OSGEPL1: variants seen among roughly 807,000 people sequenced by gnomAD.
OSGEPL1 encodes O-sialoglycoprotein endopeptidase like 1, also known as tRNA N6-adenosine threonylcarbamoyltransferase, mitochondrial.
OSGEPL1 carries 26 observed loss-of-function variants against 37.2 expected under a neutral mutation model. The ratio of observed to expected loss-of-function variants is 0.70; its 90% CI spans 0.51 to 0.97. OSGEPL1 has a LOEUF of 0.97. Among genes scored for constraint, OSGEPL1 ranks in the 50% least tolerant of loss-of-function variants. The pLI is 0.00. For synonymous variants in OSGEPL1, 140 were observed against 159.9 expected, an observed-to-expected ratio of 0.88 and a Z score of 0.94; for missense variants, 404 against 487.0, an observed-to-expected ratio of 0.83 and a Z score of 1.60.
intron 3 of OSGEPL1, 185 bp downstream of exon 3, chr2:189,754,987 AG>A: frequency 1.5e-6 from 1 of 661,300 alleles, no homozygotes; most frequent in East Asian, 2.9e-5. Flanking sequence ...CATTTTATTA[AG>A]AAAGGCTAAG....
chr2:189,755,217 G>A lies in OSGEPL1; in HGVS notation c.565C>T (p.Leu189Phe). 1 of 1,611,888 alleles carries A rather than the reference G, an allele frequency of 6.2e-7. No individual in the cohort carries two copies. Among genetic ancestry groups the A allele is most frequent in the Non-Finnish European group, 8.5e-7 (1 of 1,179,376 alleles). ...LVQGVSDFLL[L>F]GKSLDIAPGD... ...GGTGCTATGTCCAAAGACTTTCCAA[G>A]AAGCAGAAAATCTGAAACTCCTTGA... Residue 189 changes from leucine to phenylalanine, a missense_variant, in exon 3 of 9, where the codon CTT becomes TTT. Leu to Phe is a conservative substitution (Grantham distance 22). Transcript: ENST00000264151.
rs1472265285 is a variant in OSGEPL1 at position 189,752,889 on chromosome 2, G to T, written c.1054C>A (p.Pro352Thr). 2.5e-6 allele frequency: 4 copies of T among 1,613,918 alleles called. No homozygotes were observed. Among genetic ancestry groups the T allele is most frequent in the Non-Finnish European group, 2.5e-6 (3 of 1,179,860 alleles). Residue 352 changes from proline (P) to threonine (T), a missense_variant, in exon 6 of 9, where the codon CCT (proline) becomes ACT (threonine). Transcript: ENST00000264151. ...CCATTATCAGTGCATAGTCTGGGAG[G>T]AGGACACAACAAAGTGCACTGTGTT... Reference protein sequence around the residue: ...NATQCTLLCPPPRLCTDNGIM... With the variant: ...NATQCTLLCPTPRLCTDNGIM...
At chr2:189,760,010 AC>A (rs1226370804) in intron 2 of OSGEPL1, among the ~76,000 whole-genome samples, 2 of 152,164 alleles carry the variant, frequency 1.3e-5, no homozygotes, top group East Asian at 3.9e-4. Flanking sequence ...CACATCTTGC[AC>A]CGCCCTTAAT....
intron 7 of OSGEPL1, 35 bp downstream of exon 7, chr2:189,752,618 T>C (rs2045453198): frequency 1.2e-6 from 2 of 1,606,632 alleles, no homozygotes; most frequent in South Asian, 2.2e-5. Flanking sequence ...TTAAGTAATG[T>C]AACTTGCATA....
intron 2 of OSGEPL1, among the ~76,000 whole-genome samples, chr2:189,760,480 A>G (rs753701533): frequency 2.0e-5 from 3 of 152,230 alleles, no homozygotes; most frequent in Non-Finnish European, 4.4e-5. Context: ...AATGTAAAAA[A>G]TCTGCAAATA....
rs552571967 is a variant in OSGEPL1, at chr2:189,749,513, A to G, written c.*28+1037T>C. ...TAATCAAGGCAGAAAAACAGTGATAAGCTTATAATATTTGCAGTACAAAGT... is the reference window on the plus strand; with the variant it reads ...TAATCAAGGCAGAAAAACAGTGATAGGCTTATAATATTTGCAGTACAAAGT... On this transcript the variant is annotated intron_variant, in intron 8 of 8. Coordinates refer to ENST00000264151, the MANE Select transcript of OSGEPL1 (RefSeq NM_022353.3). Among the ~76,000 whole-genome samples, 3 of 152,142 alleles carry G rather than the reference A, an allele frequency of 2.0e-5. No homozygotes were observed. The South Asian group carries it at 6.2e-4, about 31-fold the overall frequency.
chr2:189,758,636 T>A (rs2046461746), intron 2 of OSGEPL1, among the ~76,000 whole-genome samples: 1 of 152,216 alleles, frequency 6.6e-6, no homozygotes, highest in Non-Finnish European at 1.5e-5. Context: ...GTTATAATAT[T>A]CTTTCCATCT....
At chr2:189,758,030 C>T (rs2046343030) in intron 2 of OSGEPL1, among the ~76,000 whole-genome samples, 3 of 152,178 alleles carry the variant, frequency 2.0e-5, no homozygotes, top group East Asian at 1.9e-4. Context: ...ATCATGGGGG[C>T]GTATTTTCCC....
In OSGEPL1 at chr2:189,754,228, A is replaced by G. The variant is rs1488414763; in HGVS notation, c.727T>C (p.Leu243=). 6.2e-7 allele frequency: 1 copy of G among 1,613,782 alleles called. No individual in the cohort carries two copies. Among genetic ancestry groups the G allele is most frequent in the Non-Finnish European group, 8.5e-7 (1 of 1,179,842 alleles). The change falls in exon 4 of 9, where the codon TTG becomes CTG. Residue 243 remains leucine, a synonymous_variant. Transcript: ENST00000264151. ...AAATCACAATTTTTAGCATGATGCA[A>G]GGGAGGTTTGATGTCAAAATGAAAT... The part of the protein sequence containing the change: ...NRFHFDIKPP[L]HHAKNCDFSF...
chr2:189,755,184 T>C lies in OSGEPL1; in HGVS notation c.598A>G (p.Met200Val), dbSNP rs750350363. 6.9e-6 allele frequency: 11 copies of C among 1,603,770 alleles called. 1 individual carries two copies. In the South Asian group the frequency reaches 1.2e-4, roughly 18 times the overall value. Reference protein sequence around the residue: ...GKSLDIAPGDMLDKVARRLSL... With the variant: ...GKSLDIAPGDVLDKVARRLSL... ...TAATTCTTAATTACCTTGTCAAGCA[T>C]GTCACCTGGTGCTATGTCCAAAGAC... The change falls in exon 3 of 9, where the codon ATG (methionine) becomes GTG (valine). Residue 200 changes from methionine to valine, a missense_variant. By Grantham distance (21) the Met-to-Val change is conservative. Transcript: ENST00000264151.
At chr2:189,761,398 G>T in intron 2 of OSGEPL1, 22 bp downstream of exon 2, 2 of 1,572,814 alleles carry the variant, frequency 1.3e-6, no homozygotes, top group South Asian at 1.2e-5. Flanking sequence ...AAGTGGAAAT[G>T]ACTAAGATAA....
chr2:189,762,637 A>T, intron 1 of OSGEPL1, 48 bp downstream of exon 1: 2 of 985,446 alleles, frequency 2.0e-6, no homozygotes, highest in South Asian at 9.4e-5. Context: ...CCGCTTTTCC[A>T]GGTGCGCAAA....
At chr2:189,750,511 C>T in intron 8 of OSGEPL1, 39 bp downstream of exon 8, 1 of 800,266 alleles carries the variant, frequency 1.2e-6, no homozygotes, top group South Asian at 1.7e-5. Context: ...CAATTTGATA[C>T]ACAAAACAAT....
At chr2:189,749,177 C>T (rs199554278) in intron 8 of OSGEPL1, among the ~76,000 whole-genome samples, 25 of 132,398 alleles carry the variant, frequency 1.9e-4, no homozygotes, top group African/African-American at 5.9e-4. Flanking sequence ...ACCTGGCAGA[C>T]GGAGGTTGCA....
Position 189,762,352 on chromosome 2 carries a change from T to C in OSGEPL1, c.-21+333A>G, listed in dbSNP as rs766484199. ...CCAGATCATCCGTTCTAAAACTTTC[T>C]GGGTGTTAAAGCAGGGCCTTTCTCC... On this transcript the variant is annotated intron_variant, in intron 1 of 8. Transcript: ENST00000264151. Among the ~76,000 whole-genome samples the C allele has an allele frequency of 9.9e-5, 15 of 152,226 alleles. 1 individual carries two copies. The South Asian group carries it at 1.9e-3, about 19-fold the overall frequency.
upstream of OSGEPL1, chr2:189,763,169 T>A: frequency 2.0e-6 from 2 of 985,304 alleles, no homozygotes; most frequent in Middle Eastern, 1.0e-3. Context: ...AGGTACCTGA[T>A]ACTTTCATCG....
chr2:189,757,388 G>C (rs908508986), intron 2 of OSGEPL1, among the ~76,000 whole-genome samples: 3 of 152,192 alleles, frequency 2.0e-5, no homozygotes, highest in African/African-American at 7.2e-5. Flanking sequence ...TTTCCATGCT[G>C]TTTCACAATG....
chr2:189,762,992 GGTTT>G (rs1373973146), upstream of OSGEPL1: 2 of 985,108 alleles, frequency 2.0e-6, no homozygotes, highest in Non-Finnish European at 2.4e-6. Context: ...GCCGAATACA[GGTTT>G]GTCTGACTAC....
intron 2 of OSGEPL1, among the ~76,000 whole-genome samples, chr2:189,756,364 G>A (rs2046088821): frequency 6.6e-6 from 1 of 152,046 alleles, no homozygotes; most frequent in African/African-American, 2.4e-5. Flanking sequence ...TACAATATGA[G>A]AACTGGAGCA....
Sources: allele counts gnomAD v4.1 joint callset (sites outside exome capture counted in the v4.1 genomes callset), GRCh38; gene constraint gnomAD v4.1.1; transcripts MANE v1.5; gene names NCBI Gene and HGNC (gene_info 2026-07-23, HGNC 2026-07-21).